Variants in GGA3 observed in about 807,000 individuals in gnomAD.
The protein encoded by GGA3 is ADP-ribosylation factor-binding protein GGA3.
Under a neutral mutation model 77.5 loss-of-function variants are expected in GGA3, and 57 were observed. That is an observed-to-expected ratio of 0.74 (90% CI 0.59 to 0.92). The LOEUF is 0.92. Among genes scored for constraint, GGA3 ranks in the 40% least tolerant of loss-of-function variants. The pLI, the probability that GGA3 is intolerant of heterozygous loss-of-function variation, is 0.00. For missense variants in GGA3, 970 were observed against 914.9 expected (o/e 1.06, Z -0.78); for synonymous variants, 416 against 383.7 (o/e 1.08, Z -0.98).
chr17:75,240,074 C>T lies in GGA3; in HGVS notation c.1298G>A (p.Arg433Lys). 7.4e-7 allele frequency: 1 copy of T among 1,344,864 alleles called. No individual in the cohort carries two copies. The highest frequency in any genetic ancestry group is 2.2e-5 in the Admixed American group (1 of 44,696). 83.3% of individuals were successfully genotyped at this position (1,344,864 alleles called of 1,614,324 possible). ...GGCGCCACAGGCAGCGGTCCCCGGC[C>T]TGGGGCTGAAGAAGTCCAGGTCGGA... is the stretch of plus-strand genomic sequence containing the variant. ...EQSDLDFFSPRPGTAACGASD... is the reference protein window; with the variant it reads ...EQSDLDFFSPKPGTAACGASD... Residue 433 changes from arginine to lysine, a missense_variant, in exon 13 of 17, where the codon AGG (arginine) becomes AAG (lysine). Physicochemically the swap from Arg to Lys is conservative, Grantham distance 26. Transcript: ENST00000537686.
At chr17:75,262,347 A>G (rs769111022), upstream of GGA3, 1 of 849,300 alleles carries the variant, frequency 1.2e-6, no homozygotes, top group South Asian at 1.6e-5. Flanking sequence ...ACTTGGGACA[A>G]GGGCCTGAAT....
At chr17:75,240,472 G>GT in intron 11 of GGA3, 60 bp from the exon 12 acceptor site, 1 of 1,140,964 alleles carries the variant, frequency 8.8e-7, no homozygotes, top group East Asian at 2.4e-5. Flanking sequence ...CCCTAGCCCC[G>GT]CCTTGCCTGA....
intron 16 of GGA3, 78 bp downstream of exon 16, chr17:75,238,574 G>T: frequency 9.3e-7 from 1 of 1,071,248 alleles, no homozygotes; most frequent in Non-Finnish European, 1.4e-6. Flanking sequence ...ACTTCCAGCT[G>T]GGAGGTGGTG....
In GGA3 at chr17:75,238,958, G is replaced by A. The variant is rs141085620; in HGVS notation, c.1906C>T (p.Pro636Ser). The A allele has an allele frequency of 6.2e-7, 1 of 1,614,140 alleles. No individual in the cohort carries two copies. Among genetic ancestry groups the A allele is most frequent in the Non-Finnish European group, 8.5e-7 (1 of 1,180,010 alleles). ...VVVVSMLNTA[P>S]LPVKSIVLQA... The stretch of plus-strand genomic sequence containing the variant: ...AGCACGATGCTCTTGACAGGTAAGG[G>A]AGCCGTGTTCAGCATGGACACCACC... The change falls in exon 15 of 17, where the codon CCC (proline) becomes TCC (serine). Residue 636 changes from proline to serine, a missense_variant. Coordinates refer to ENST00000537686, the MANE Select transcript of GGA3 (RefSeq NM_138619.4).
intron 2 of GGA3, 53 bp from the exon 3 acceptor site, chr17:75,246,637 T>C: frequency 6.3e-7 from 1 of 1,590,424 alleles, no homozygotes; most frequent in Non-Finnish European, 8.6e-7. Context: ...GCTACCTGGC[T>C]GGCCCTCCTT....
intron 8 of GGA3, 62 bp downstream of exon 8, chr17:75,242,274 T>C (rs2076584406): frequency 1.9e-6 from 3 of 1,585,940 alleles, no homozygotes; most frequent in Non-Finnish European, 2.6e-6. Context: ...CAGCAAATGC[T>C]GGCTGAGCTC....
rs545158248 is a variant in GGA3, at chr17:75,242,769, G to A, written c.609+62C>T. 224 of 1,336,638 alleles carry A rather than the reference G, an allele frequency of 1.7e-4. 2 individuals carry two copies. In the South Asian group the frequency reaches 2.4e-3, roughly 14 times the overall value. The allele number at this position is 1,336,638 out of a possible 1,614,324, so 82.8% of individuals were successfully genotyped here. On this transcript the variant is annotated intron_variant, in intron 7 of 16. Coordinates refer to ENST00000537686, the MANE Select transcript of GGA3 (RefSeq NM_138619.4). Reference sequence around the variant, plus strand: ...AACAGGCCCGTGTCCGGGGCAAAGCGGCTTCTGCTGTGTGGCCATGGGCTC... The same window carrying A: ...AACAGGCCCGTGTCCGGGGCAAAGCAGCTTCTGCTGTGTGGCCATGGGCTC...
Position 75,237,584 on chromosome 17 carries a change from G to C in GGA3, c.*695C>G. 1.3e-6 allele frequency: 2 copies of C among 1,534,952 alleles called. No individual in the cohort carries two copies. Among genetic ancestry groups the C allele is most frequent in the South Asian group, 2.4e-5 (2 of 83,988 alleles). On this transcript the variant is annotated 3_prime_UTR_variant, in exon 17 of 17. Transcript: ENST00000537686. ...TTCATTTTCCTTCCTATCCCTAGTT[G>C]GGCCTGTCATGAGGCCAAATTCCAT...
chr17:75,246,159 A>G lies in GGA3; in HGVS notation c.201+350T>C, dbSNP rs367620724. On this transcript the variant is annotated intron_variant, in intron 3 of 16. Transcript: ENST00000537686. The stretch of plus-strand genomic sequence containing the variant: ...CTTTTCTTCAGCTGGCCAGCTCTGA[A>G]CTATCAACACAGCCCTGTCAGCATC... Among the ~76,000 whole-genome samples, 11 of 152,286 alleles carry G rather than the reference A, an allele frequency of 7.2e-5. No individual in the cohort carries two copies. The East Asian group carries it at 1.4e-3, about 19-fold the overall frequency.
intron 1 of GGA3, among the ~76,000 whole-genome samples, 173 bp from the exon 2 acceptor site, chr17:75,246,969 C>T (rs1487938994): frequency 1.3e-5 from 2 of 151,858 alleles, no homozygotes; most frequent in African/African-American, 2.4e-5. Flanking sequence ...AAAATTCAGT[C>T]GGAGAGCAAA....
rs1438450122 is a variant in GGA3 at position 75,237,520 on chromosome 17, T to C, written c.*759A>G. ...TGGAGGCACGCTTTTCCCAGAAAGC[T>C]GAGTACCTGCTTCTGGAGAAGGGGA... On this transcript the variant is annotated 3_prime_UTR_variant, in exon 17 of 17. Coordinates refer to ENST00000537686, the MANE Select transcript of GGA3 (RefSeq NM_138619.4). 1 of 1,535,706 alleles carries C rather than the reference T, an allele frequency of 6.5e-7. No individual in the cohort carries two copies. Among genetic ancestry groups the C allele is most frequent in the Non-Finnish European group, 8.7e-7 (1 of 1,146,500 alleles).
chr17:75,241,571 AT>A, intron 9 of GGA3, 43 bp downstream of exon 9: 1 of 1,604,538 alleles, frequency 6.2e-7, no homozygotes, highest in African/African-American at 1.3e-5. Context: ...CCACCCACAT[AT>A]CCAAATGCCT....
intron 1 of GGA3, among the ~76,000 whole-genome samples, chr17:75,250,214 C>G (rs931889793): frequency 6.6e-6 from 1 of 152,232 alleles, no homozygotes; most frequent in Non-Finnish European, 1.5e-5. Context: ...AGAGGTGACA[C>G]CCGAGCTTCC....
chr17:75,240,934 G>A lies in GGA3; in HGVS notation c.1070C>T (p.Pro357Leu), dbSNP rs762329460. The A allele has an allele frequency of 9.3e-6, 15 of 1,613,824 alleles. No homozygotes were observed. The highest frequency in any genetic ancestry group is 6.8e-6 in the Non-Finnish European group (8 of 1,179,940). The change falls in exon 11 of 17, where the codon CCT becomes CTT. Residue 357 changes from proline to leucine, a missense_variant. Pro to Leu is a moderately conservative substitution (Grantham distance 98). Coordinates refer to ENST00000537686, the MANE Select transcript of GGA3 (RefSeq NM_138619.4). ...AGGTCCTGAGGCCTGGGGTGGTGGA[G>A]GGAGGATTGGGATGCCTGAGGAGGG... ...TPPSSGIPIL[P>L]PPPQASGPPR...
At position 75,239,101 on chromosome 17, in the gene GGA3, G is replaced by C; in HGVS notation, c.1781-18C>G. The C allele has an allele frequency of 6.2e-7, 1 of 1,608,168 alleles. No individual in the cohort carries two copies. Among genetic ancestry groups the C allele is most frequent in the Non-Finnish European group, 8.5e-7 (1 of 1,178,050 alleles). On this transcript the variant is annotated intron_variant, in intron 14 of 16. Transcript: ENST00000537686. ...GGCACTGCCTGTAAGAACGTGACGT[G>C]AGTGTGGGAGGAGCAGCACCAGAGA...
chr17:75,262,070 T>C (rs2145631537), upstream of GGA3: 3 of 1,472,656 alleles, frequency 2.0e-6, no homozygotes, highest in Non-Finnish European at 2.8e-6. Flanking sequence ...AGAGAGAGCA[T>C]TGCCCTGGGG....
At position 75,240,892 on chromosome 17, in the gene GGA3, G is replaced by C. The variant is rs750932108; in HGVS notation, c.1112C>G (p.Ser371Cys). Residue 371 changes from serine to cysteine, a missense_variant, in exon 11 of 17, where the codon TCT (serine) becomes TGT (cysteine). By Grantham distance (112) the Ser-to-Cys change is moderately radical. Transcript: ENST00000537686. Reference sequence around the variant, plus strand: ...CCCCAGGGTGGCCTCGGCCTGGCTAGAGGAGCGGCTCCGTGGAGGTCCTGA... The same window carrying C: ...CCCCAGGGTGGCCTCGGCCTGGCTACAGGAGCGGCTCCGTGGAGGTCCTGA... Reference protein sequence around the residue: ...QASGPPRSRSSSQAEATLGPS... With the variant: ...QASGPPRSRSCSQAEATLGPS... The C allele has an allele frequency of 4.3e-6, 7 of 1,613,706 alleles. No homozygotes were observed. Among genetic ancestry groups the C allele is most frequent in the South Asian group, 2.2e-5 (2 of 91,080 alleles).
chr17:75,246,702 T>C lies in GGA3; in HGVS notation c.125+10A>G, dbSNP rs372451960. The C allele has an allele frequency of 1.6e-5, 26 of 1,611,236 alleles. No individual in the cohort carries two copies. The highest frequency in any genetic ancestry group is 2.7e-5 in the African/African-American group (2 of 74,864). ...TCCCTCTCAGCTGCCCCCACAGTGC[T>C]GAGACTCACCCTTCCAGCTCCTTGT... On this transcript the variant is annotated intron_variant, in intron 2 of 16. Coordinates refer to ENST00000537686, the MANE Select transcript of GGA3 (RefSeq NM_138619.4).
At chr17:75,241,749 C>G in intron 8 of GGA3, 53 bp from the exon 9 acceptor site, 1 of 1,444,490 alleles carries the variant, frequency 6.9e-7, no homozygotes, top group Non-Finnish European at 9.7e-7. Context: ...TAGAGATCAT[C>G]TGATTCATTC....
Sources: allele counts gnomAD v4.1 joint callset (sites outside exome capture counted in the v4.1 genomes callset), GRCh38; gene constraint gnomAD v4.1.1; transcripts MANE v1.5; gene names NCBI Gene and HGNC (gene_info 2026-07-23, HGNC 2026-07-21).